Variants in CELA1 observed in about 807,000 individuals in gnomAD.
The protein encoded by CELA1 is chymotrypsin like elastase 1, also known as chymotrypsin-like elastase family member 1.
CELA1 carries 28 observed loss-of-function variants against 34.8 expected under a neutral mutation model. The observed-to-expected ratio is 0.80, with a 90% CI of 0.60 to 1.10. CELA1 has a LOEUF of 1.10. Among genes scored for constraint, CELA1 ranks in the 50% least tolerant of loss-of-function variants. The pLI, the probability that CELA1 is intolerant of heterozygous loss-of-function variation, is 0.00. For synonymous variants in CELA1, 140 were observed against 129.8 expected, an observed-to-expected ratio of 1.08 and a Z score of -0.53; for missense variants, 288 against 327.5, an observed-to-expected ratio of 0.88 and a Z score of 0.93.
intron 6 of CELA1, 93 bp from the exon 7 acceptor site, chr12:51,329,926 ACGG>A (rs1946460121): frequency 7.2e-6 from 9 of 1,250,886 alleles, no homozygotes; most frequent in Non-Finnish European, 9.9e-6. Flanking sequence ...GAAATTCTGT[ACGG>A]TTTTAAAGCT....
chr12:51,331,411 A>G (rs1307504749), intron 6 of CELA1, among the ~76,000 whole-genome samples: 1 of 152,186 alleles, frequency 6.6e-6, no homozygotes. Context: ...CAAACAAAAA[A>G]CATGACTAAT....
chr12:51,334,524 C>G (rs771040791), intron 6 of CELA1, among the ~76,000 whole-genome samples: 6 of 152,156 alleles, frequency 3.9e-5, no homozygotes, highest in African/African-American at 1.2e-4. Context: ...AGCTCCACCT[C>G]CCCGGTTCAC....
At chr12:51,342,471 C>A in intron 4 of CELA1, 104 bp downstream of exon 4, 1 of 1,518,732 alleles carries the variant, frequency 6.6e-7, no homozygotes, top group Non-Finnish European at 9.0e-7. Context: ...AGGTTTCAGG[C>A]CATGCAATCC....
intron 4 of CELA1, among the ~76,000 whole-genome samples, chr12:51,342,119 A>C (rs1946539548): frequency 6.6e-6 from 1 of 151,656 alleles, no homozygotes; most frequent in Admixed American, 6.6e-5. Context: ...AGCTCACTGC[A>C]CCCTCTTCCT....
At chr12:51,337,863 A>G (rs1441326625) in intron 6 of CELA1, among the ~76,000 whole-genome samples, 1 of 150,328 alleles carries the variant, frequency 6.7e-6, no homozygotes, top group Admixed American at 6.7e-5. Flanking sequence ...GTGAACCATG[A>G]TGGTACAACT....
chr12:51,332,834 GGGC>G (rs1946478052), intron 6 of CELA1, among the ~76,000 whole-genome samples: 1 of 152,054 alleles, frequency 6.6e-6, no homozygotes, highest in Non-Finnish European at 1.5e-5. Context: ...ACTCCAGCCT[GGGC>G]AACAGAGCAA....
intron 3 of CELA1, among the ~76,000 whole-genome samples, 167 bp downstream of exon 3, chr12:51,343,586 A>T (rs1239094482): frequency 6.6e-6 from 1 of 152,186 alleles, no homozygotes; most frequent in African/African-American, 2.4e-5. Flanking sequence ...CCTGACTCCA[A>T]AGTTTGTACT....
rs756137456 is a variant in CELA1 at position 51,343,800 on chromosome 12, G to A, written c.153C>T (p.Thr51=). The A allele has an allele frequency of 6.2e-6, 10 of 1,611,332 alleles. No individual in the cohort carries two copies. The highest frequency in any genetic ancestry group is 8.5e-6 in the Non-Finnish European group (10 of 1,178,026). Residue 51 remains threonine (T), a synonymous_variant, in exon 3 of 8, where the codon ACC becomes ACT. Coordinates refer to ENST00000293636, the MANE Select transcript of CELA1 (RefSeq NM_001971.6). ...GGSRYHTCGG[T]LIRQNWVMTA... Reference sequence around the variant, plus strand: ...TCATCACCCAGTTCTGTCTGATAAGGGTCCCTCCACAGGTGTGATACCGGG... The same window carrying A: ...TCATCACCCAGTTCTGTCTGATAAGAGTCCCTCCACAGGTGTGATACCGGG...
Position 51,328,472 on chromosome 12 carries a change from A to G in CELA1, c.*105T>C. The G allele has an allele frequency of 8.3e-7, 1 of 1,211,234 alleles. No individual in the cohort carries two copies. The highest frequency in any genetic ancestry group is 1.2e-6 in the Non-Finnish European group (1 of 818,222). The allele number at this position is 1,211,234 out of a possible 1,614,324, so 75.0% of individuals were successfully genotyped here. On this transcript the variant is annotated 3_prime_UTR_variant, in exon 8 of 8. Transcript: ENST00000293636. ...TATATCTAGTTTTATTTGCTTTTCT[A>G]TCAATGGCTCAATAGTCTTTCAGAA... is the stretch of plus-strand genomic sequence containing the variant.
intron 4 of CELA1, 70 bp from the exon 5 acceptor site, chr12:51,341,450 C>G: frequency 3.9e-6 from 6 of 1,543,182 alleles, no homozygotes; most frequent in Non-Finnish European, 5.3e-6. Flanking sequence ...TACACTGGCC[C>G]TCTCTAAGCA....
rs1331081145 is a variant in CELA1 at position 51,345,867 on chromosome 12, G to T, written c.27C>A (p.Thr9=). The change falls in exon 2 of 8, where the codon ACC becomes ACA. Residue 9 remains threonine, a synonymous_variant. Coordinates refer to ENST00000293636, the MANE Select transcript of CELA1 (RefSeq NM_001971.6). ...GGGCATTGGTTTCCGGAAGGTCCTG[G>T]GTGCTGTGTCCTTTGTGGGGCAGAA... The part of the protein sequence containing the change: MLVLYGHS[T]QDLPETNARV... 6.4e-7 allele frequency: 1 copy of T among 1,557,922 alleles called. No individual in the cohort carries two copies. The highest frequency in any genetic ancestry group is 1.9e-5 in the Admixed American group (1 of 51,792).
rs956224671 is a variant in CELA1 at position 51,345,872 on chromosome 12, T to G, written c.22A>C (p.Ser8Arg). Residue 8 changes from serine to arginine, a missense_variant, in exon 2 of 8, where the codon AGC becomes CGC. By Grantham distance (110) the Ser-to-Arg change is moderately radical. Transcript: ENST00000293636. The stretch of plus-strand genomic sequence containing the variant: ...TTGGTTTCCGGAAGGTCCTGGGTGC[T>G]GTGTCCTTTGTGGGGCAGAAGAAAA... MLVLYGH[S>R]TQDLPETNAR... 2 of 1,556,334 alleles carry G rather than the reference T, an allele frequency of 1.3e-6. No homozygotes were observed. Among genetic ancestry groups the G allele is most frequent in the African/African-American group, 2.7e-5 (2 of 73,312 alleles).
intron 1 of CELA1, 26 bp from the exon 2 acceptor site, chr12:51,345,903 T>C: frequency 3.9e-6 from 6 of 1,525,730 alleles, no homozygotes; most frequent in Non-Finnish European, 4.4e-6. Context: ...GAAAAGTGAG[T>C]GATGACTAAG....
chr12:51,343,822 C>T lies in CELA1; in HGVS notation c.131G>A (p.Arg44Gln), dbSNP rs1309648386. The change falls in exon 3 of 8, where the codon CGG (arginine) becomes CAG (glutamine). Residue 44 changes from arginine (R) to glutamine (Q), a missense_variant. Arg to Gln is a conservative substitution (Grantham distance 43, BLOSUM62 1). Coordinates refer to ENST00000293636, the MANE Select transcript of CELA1 (RefSeq NM_001971.6). ...ISLQYRSGGS[R>Q]YHTCGGTLIR... The stretch of plus-strand genomic sequence containing the variant: ...AAGGGTCCCTCCACAGGTGTGATAC[C>T]GGGAACCTCCAGACCGGTACTGGAG... 6.8e-6 allele frequency: 11 copies of T among 1,608,068 alleles called. No individual in the cohort carries two copies. Among genetic ancestry groups the T allele is most frequent in the South Asian group, 1.1e-5 (1 of 90,658 alleles).
chr12:51,343,043 C>T (rs935665617), intron 3 of CELA1, among the ~76,000 whole-genome samples: 4 of 151,958 alleles, frequency 2.6e-5, no homozygotes, highest in Admixed American at 2.0e-4. Context: ...CTCTTTCATT[C>T]CCTAATTGAC....
chr12:51,345,058 G>A (rs1946558291), intron 2 of CELA1, among the ~76,000 whole-genome samples: 1 of 151,950 alleles, frequency 6.6e-6, no homozygotes, highest in Non-Finnish European at 1.5e-5. Context: ...CCAGGAGGCA[G>A]AGTTTGCAGT....
chr12:51,339,921 C>A lies in CELA1; in HGVS notation c.548G>T (p.Gly183Val), dbSNP rs781636321. 4 of 1,613,984 alleles carry A rather than the reference C, an allele frequency of 2.5e-6. No individual in the cohort carries two copies. The African/African-American group carries it at 5.3e-5, about 22-fold the overall frequency. ...CACCATGGTGTTCTTCACAGTGGAG[C>A]CCCAGTAGGAGGAGCTGGAGCAGAT... is the stretch of plus-strand genomic sequence containing the variant. ...YAICSSSSYW[G>V]STVKNTMVCA... The change falls in exon 6 of 8, where the codon GGC becomes GTC. Residue 183 changes from glycine to valine, a missense_variant. By Grantham distance (109) the Gly-to-Val change is moderately radical. Transcript: ENST00000293636.
intron 6 of CELA1, among the ~76,000 whole-genome samples, chr12:51,330,074 T>C (rs1946461167): frequency 6.6e-6 from 1 of 152,206 alleles, no homozygotes; most frequent in South Asian, 2.1e-4. Flanking sequence ...TTTCATAATT[T>C]GTTTGTACCT....
chr12:51,332,059 C>T (rs1414344383), intron 6 of CELA1, among the ~76,000 whole-genome samples: 5 of 151,738 alleles, frequency 3.3e-5, no homozygotes, highest in African/African-American at 4.8e-5. Flanking sequence ...GTGGCATGTG[C>T]CTGTAGTCCT....
Sources: allele counts gnomAD v4.1 joint callset (sites outside exome capture counted in the v4.1 genomes callset), GRCh38; gene constraint gnomAD v4.1.1; transcripts MANE v1.5; gene names NCBI Gene and HGNC (gene_info 2026-07-23, HGNC 2026-07-21).